The following SLC24A2 variants were observed in gnomAD, a reference collection of about 807,000 sequenced individuals.
SLC24A2 encodes solute carrier family 24 member 2, also known as sodium/potassium/calcium exchanger 2.
In SLC24A2, 36 loss-of-function variants were observed where a neutral mutation model predicts 62.0. The ratio of observed to expected loss-of-function variants is 0.58; its 90% confidence interval spans 0.44 to 0.77. The LOEUF (loss-of-function observed/expected upper bound fraction) is 0.77, where lower values mean the gene tolerates loss of function less well. Ranked by LOEUF, SLC24A2 falls within the 30% of genes least tolerant of loss-of-function variation. SLC24A2 has a pLI of 0.00. For missense variants in SLC24A2, 846 were observed against 817.9 expected (o/e 1.03, Z -0.42); for synonymous variants, 358 against 294.0 (o/e 1.22, Z -2.23).
At chr9:20,026,217 T>C in the SLC24A2 span, among the ~76,000 whole-genome samples, 5 of 152,034 alleles carry the variant, frequency 3.3e-5, no homozygotes, top group Admixed American at 6.6e-5. Flanking sequence ...GTAAAAAAAA[T>C]AGGGAATGGT....
the SLC24A2 span, among the ~76,000 whole-genome samples, chr9:20,085,151 A>T: frequency 6.6e-6 from 1 of 152,098 alleles, no homozygotes; most frequent in Non-Finnish European, 1.5e-5. Flanking sequence ...GAGCACCACT[A>T]TGCCCAGCTA....
At chr9:20,131,265 T>C in the SLC24A2 span, among the ~76,000 whole-genome samples, 214 of 152,200 alleles carry the variant, frequency 1.4e-3, 2 homozygotes, top group African/African-American at 4.7e-3. Flanking sequence ...CCATTGTCAA[T>C]GTAAGCCCAG....
the SLC24A2 span, among the ~76,000 whole-genome samples, chr9:20,027,195 C>A: frequency 6.6e-6 from 1 of 151,954 alleles, no homozygotes; most frequent in African/African-American, 2.4e-5. Flanking sequence ...CTTGTACACT[C>A]TTGGTGGGAA....
At chr9:19,769,348 GTTACCCACCTGAT>G in intron 2 of SLC24A2, among the ~76,000 whole-genome samples, 1 of 152,272 alleles carries the variant, frequency 6.6e-6, no homozygotes, top group South Asian at 2.1e-4. Context: ...GGCCACCACT[GTTACCCACCTGAT>G]TCATGGCACC....
At chr9:20,051,657 C>CTTT in the SLC24A2 span, among the ~76,000 whole-genome samples, 1,647 of 73,378 alleles carry the variant, frequency 0.022, 144 homozygotes, top group African/African-American at 0.092. Flanking sequence ...TTTTCTTTCT[C>CTTT]TTTTTTTTTT....
intron 2 of SLC24A2, among the ~76,000 whole-genome samples, chr9:19,657,338 G>C (rs1372457478): frequency 6.6e-6 from 1 of 152,014 alleles, no homozygotes; most frequent in Non-Finnish European, 1.5e-5. Flanking sequence ...TATACCCTCA[G>C]ATCTACTCAC....
At chr9:20,049,720 A>G in the SLC24A2 span, among the ~76,000 whole-genome samples, 1 of 151,716 alleles carries the variant, frequency 6.6e-6, no homozygotes, top group Middle Eastern at 3.4e-3. Context: ...CATAGAGGGG[A>G]CATAGAGGAA....
At chr9:20,226,472 C>G in the SLC24A2 span, among the ~76,000 whole-genome samples, 1 of 152,220 alleles carries the variant, frequency 6.6e-6, no homozygotes, top group Admixed American at 6.5e-5. Context: ...ACATGCTAAC[C>G]AGGGAGGTAA....
the SLC24A2 span, among the ~76,000 whole-genome samples, chr9:19,942,710 G>A: frequency 2.6e-5 from 4 of 152,096 alleles, no homozygotes; most frequent in Non-Finnish European, 5.9e-5. Context: ...TTATGTCTAC[G>A]TGGCACTGTG....
chr9:20,129,469 C>A, the SLC24A2 span, among the ~76,000 whole-genome samples: 1 of 152,070 alleles, frequency 6.6e-6, no homozygotes, highest in African/African-American at 2.4e-5. Context: ...CAAACAAAAA[C>A]TTGTACACGA....
chr9:19,784,953 A>AC (rs1345029625), intron 2 of SLC24A2, among the ~76,000 whole-genome samples: 1 of 151,500 alleles, frequency 6.6e-6, no homozygotes, highest in Admixed American at 6.6e-5. Context: ...AAAATCTTTC[A>AC]CCCCCTGCTC....
At chr9:20,107,234 A>G in the SLC24A2 span, among the ~76,000 whole-genome samples, 1 of 152,214 alleles carries the variant, frequency 6.6e-6, no homozygotes, top group Non-Finnish European at 1.5e-5. Flanking sequence ...GCTCATGGGT[A>G]GGAAGAATCA....
At chr9:19,577,542 T>C (rs142926868) in intron 5 of SLC24A2, among the ~76,000 whole-genome samples, 5 of 152,302 alleles carry the variant, frequency 3.3e-5, no homozygotes, top group Non-Finnish European at 7.3e-5. Flanking sequence ...ACTCAACCTG[T>C]CTTATAATTA....
chr9:19,755,418 G>A lies in SLC24A2; in HGVS notation c.930+30519C>T, dbSNP rs186350546. Reference sequence around the variant, plus strand: ...TAGAACACCCCAAATTCTAATCCACGTGACTTGGGAGCAACCTTGAAGAAC... The same window carrying A: ...TAGAACACCCCAAATTCTAATCCACATGACTTGGGAGCAACCTTGAAGAAC... On this transcript the variant is annotated intron_variant, in intron 2 of 10. Transcript: ENST00000341998. Among the ~76,000 whole-genome samples the A allele has an allele frequency of 3.7e-3, 556 of 152,232 alleles. 2 individuals carry two copies. The highest frequency in any genetic ancestry group is 6.1e-3 in the Non-Finnish European group (417 of 68,018).
the SLC24A2 span, among the ~76,000 whole-genome samples, chr9:20,073,670 T>A: frequency 2.0e-5 from 3 of 152,078 alleles, no homozygotes; most frequent in Admixed American, 2.0e-4. Context: ...TCCACAGGAC[T>A]CGTTAAAACT....
chr9:20,023,133 C>T, the SLC24A2 span, among the ~76,000 whole-genome samples: 153 of 152,300 alleles, frequency 1.0e-3, 3 homozygotes, highest in African/African-American at 3.5e-3. Flanking sequence ...CCACGACAGA[C>T]TGACTCTGAA....
intron 10 of SLC24A2, 81 bp from the exon 11 acceptor site, chr9:19,516,483 T>C: frequency 1.4e-6 from 2 of 1,481,336 alleles, no homozygotes; most frequent in Non-Finnish European, 1.9e-6. Flanking sequence ...AAATATAACC[T>C]ATTATTACCT....
intron 2 of SLC24A2, among the ~76,000 whole-genome samples, chr9:19,648,732 A>C (rs574774388): frequency 3.0e-4 from 45 of 152,318 alleles, no homozygotes; most frequent in African/African-American, 1.1e-3. Flanking sequence ...GGACACTTTT[A>C]AGATTAAGAG....
At position 19,606,370 on chromosome 9, in the gene SLC24A2, A is replaced by G. The variant is rs1473982604; in HGVS notation, c.1079-9091T>C. Among the ~76,000 whole-genome samples, 4 of 152,362 alleles carry G rather than the reference A, an allele frequency of 2.6e-5. No individual in the cohort carries two copies. The South Asian group carries it at 6.2e-4, about 24-fold the overall frequency. On this transcript the variant is annotated intron_variant, in intron 4 of 10. Transcript: ENST00000341998. ...GCCTTAGAGTAGAAAGCAAAGCTAC[A>G]TTCACTATTGGTGTTTTGGGCTTAA... is the stretch of plus-strand genomic sequence containing the variant.
Sources: allele counts gnomAD v4.1 joint callset (sites outside exome capture counted in the v4.1 genomes callset), GRCh38; gene constraint gnomAD v4.1.1; transcripts MANE v1.5; gene names NCBI Gene and HGNC (gene_info 2026-07-23, HGNC 2026-07-21).